The following ATAD1 variants were observed in gnomAD, a reference collection of about 807,000 sequenced individuals.
The protein encoded by ATAD1 is ATPase family AAA domain containing 1.
In ATAD1, 18 loss-of-function variants were observed where a neutral mutation model predicts 42.7. That is an observed-to-expected ratio of 0.42 (90% CI 0.29 to 0.63). The LOEUF (loss-of-function observed/expected upper bound fraction) is 0.63. ATAD1 is among the 20% of genes least tolerant of loss of function. ATAD1 has a pLI of 0.19. For missense variants in ATAD1, 294 were observed against 440.4 expected (o/e 0.67, Z 2.98); for synonymous variants, 132 against 143.1 (o/e 0.92, Z 0.55).
At chr10:87,776,481 T>C in intron 5 of ATAD1, 54 bp from the exon 6 acceptor site, 1 of 1,452,640 alleles carries the variant, frequency 6.9e-7, no homozygotes, top group Non-Finnish European at 9.6e-7. Flanking sequence ...ATTTACCCTT[T>C]TTTTTGAGAC....
upstream of ATAD1, among the ~76,000 whole-genome samples, chr10:87,821,769 A>G (rs1022076712): frequency 2.6e-5 from 4 of 152,230 alleles, no homozygotes; most frequent in African/African-American, 4.8e-5. Flanking sequence ...ATATGCCAGT[A>G]TATTGGATTT....
chr10:87,822,649 G>C (rs1474516409), upstream of ATAD1, among the ~76,000 whole-genome samples: 1 of 152,056 alleles, frequency 6.6e-6, no homozygotes, highest in Non-Finnish European at 1.5e-5. Flanking sequence ...ATAGTGGTGG[G>C]GGGTAGGAGG....
In ATAD1 at chr10:87,771,590, T is replaced by C. The variant is rs367934091; in HGVS notation, c.691-549A>G. Among the ~76,000 whole-genome samples the C allele has an allele frequency of 1.0e-3, 158 of 152,206 alleles. 2 individuals are homozygous for C. In the South Asian group the frequency reaches 0.031, roughly 30 times the overall value. ...CTCATGGTACTATCAGCACTGCAGG[T>C]GATAGCTTCTCAATGCGAAATAAAG... On this transcript the variant is annotated intron_variant, in intron 6 of 9. Coordinates refer to ENST00000680024, the MANE Select transcript of ATAD1 (RefSeq NM_001321967.2).
intron 9 of ATAD1, among the ~76,000 whole-genome samples, chr10:87,755,231 G>A (rs1028142330): frequency 4.6e-5 from 7 of 152,100 alleles, no homozygotes; most frequent in Admixed American, 3.3e-4. Context: ...GCATTTCTAG[G>A]TATATACTTA....
rs199998577 is a variant in ATAD1 at position 87,834,380 on chromosome 10, T to A, written c.-14+6807A>T. 2.0e-5 allele frequency among the ~76,000 whole-genome samples: 3 copies of A among 152,154 alleles called. No individual in the cohort carries two copies. In the East Asian group the frequency reaches 5.8e-4, roughly 29 times the overall value. ...GAATTGGTATTAATTCACCTTAAAA[T>A]GATTGATAGAATTTGACAGTGTAAC... On this transcript the variant is annotated intron_variant, in intron 1 of 4. Coordinates refer to the ATAD1 transcript ENST00000495903.
chr10:87,761,268 T>C (rs141077539), intron 8 of ATAD1, among the ~76,000 whole-genome samples: 32 of 152,280 alleles, frequency 2.1e-4, no homozygotes, highest in South Asian at 6.2e-4. Context: ...TGACGAGATG[T>C]TCTCATGTCA....
rs568662153 is a variant in ATAD1 at position 87,817,738 on chromosome 10, G to A, written c.-14+429C>T. 29 of 985,446 alleles carry A rather than the reference G, an allele frequency of 2.9e-5. No individual in the cohort carries two copies. The African/African-American group carries it at 4.7e-4, about 16-fold the overall frequency. 61.0% of individuals were successfully genotyped at this position (985,446 alleles called of 1,614,324 possible). A position where few individuals can be genotyped will look rare whatever the true frequency, so the allele number is the denominator to read the frequency against. On this transcript the variant is annotated intron_variant, in intron 1 of 9. Transcript: ENST00000680024. Reference sequence around the variant, plus strand: ...CTTTTGTGAAAGCGTGCCCGGCCCTGAAGAACCACCTTCGATTTTGCACAA... The same window carrying A: ...CTTTTGTGAAAGCGTGCCCGGCCCTAAAGAACCACCTTCGATTTTGCACAA...
intron 2 of ATAD1, among the ~76,000 whole-genome samples, chr10:87,798,799 C>T (rs1417219334): frequency 6.6e-6 from 1 of 152,008 alleles, no homozygotes; most frequent in Non-Finnish European, 1.5e-5. Flanking sequence ...TGAGTTGTTT[C>T]CTTTAACATG....
intron 4 of ATAD1, among the ~76,000 whole-genome samples, chr10:87,786,844 A>G (rs1855859907): frequency 4.6e-5 from 7 of 152,024 alleles, no homozygotes; most frequent in Non-Finnish European, 1.0e-4. Flanking sequence ...AATCCCAGCT[A>G]CTGGGGAGGC....
At chr10:87,803,557 C>T (rs1177664166) in intron 2 of ATAD1, among the ~76,000 whole-genome samples, 2 of 152,222 alleles carry the variant, frequency 1.3e-5, no homozygotes, top group African/African-American at 4.8e-5. Flanking sequence ...TGGAAGTCTC[C>T]TCCCTGCTTC....
chr10:87,790,440 G>A lies in ATAD1; in HGVS notation c.262-10C>T, dbSNP rs755899471. On this transcript the variant is annotated splice_polypyrimidine_tract_variant and intron_variant, in intron 3 of 9. Transcript: ENST00000680024. Reference sequence around the variant, plus strand: ...TATCACTCCAAGTAACCTGGCAAAAGTTAAGGTCAACATGAATTTTACTAC... The same window carrying A: ...TATCACTCCAAGTAACCTGGCAAAAATTAAGGTCAACATGAATTTTACTAC... The A allele has an allele frequency of 6.3e-7, 1 of 1,590,664 alleles. No homozygotes were observed. The highest frequency in any genetic ancestry group is 8.5e-7 in the Non-Finnish European group (1 of 1,174,264).
At chr10:87,770,892 G>A in intron 7 of ATAD1, 60 bp downstream of exon 7, 2 of 1,446,274 alleles carry the variant, frequency 1.4e-6, no homozygotes, top group Non-Finnish European at 1.9e-6. Context: ...AAAATTAAAG[G>A]TGAAGACCTA....
At chr10:87,756,654 T>A (rs1258754305) in intron 9 of ATAD1, 135 bp downstream of exon 9, 1 of 803,276 alleles carries the variant, frequency 1.2e-6, no homozygotes, top group African/African-American at 1.8e-5. Context: ...ATAAATAAAG[T>A]TGCAGGGGGT....
chr10:87,824,629 A>T (rs571063981), intron 1 of ATAD1, among the ~76,000 whole-genome samples: 1 of 152,316 alleles, frequency 6.6e-6, no homozygotes, highest in African/African-American at 2.4e-5. Flanking sequence ...TGTTATTTTC[A>T]TTATACGATG....
chr10:87,802,651 A>G (rs1856756630), intron 2 of ATAD1, among the ~76,000 whole-genome samples: 1 of 151,920 alleles, frequency 6.6e-6, no homozygotes, highest in African/African-American at 2.4e-5. Context: ...ACGAAAAAAA[A>G]AAAAAGCCTA....
intron 2 of ATAD1, among the ~76,000 whole-genome samples, chr10:87,794,429 CTTCATT>C (rs1367998014): frequency 2.0e-5 from 3 of 152,184 alleles, no homozygotes; most frequent in Non-Finnish European, 2.9e-5. Flanking sequence ...AACATTTACT[CTTCATT>C]TTCATTATGC....
At chr10:87,766,395 A>G (rs1253204759) in intron 8 of ATAD1, among the ~76,000 whole-genome samples, 1 of 152,218 alleles carries the variant, frequency 6.6e-6, no homozygotes, top group East Asian at 1.9e-4. Context: ...GAATGTCCAT[A>G]CAGTGGAATC....
At chr10:87,817,346 A>G (rs113399664) in intron 1 of ATAD1, among the ~76,000 whole-genome samples, 120 of 152,358 alleles carry the variant, frequency 7.9e-4, no homozygotes, top group African/African-American at 2.8e-3. Context: ...CAAAATGAAT[A>G]CACAAATATG....
At chr10:87,768,874 A>T (rs1000181064) in intron 7 of ATAD1, among the ~76,000 whole-genome samples, 1 of 152,160 alleles carries the variant, frequency 6.6e-6, no homozygotes, top group Non-Finnish European at 1.5e-5. Context: ...CCTTGAGGCC[A>T]GGAGTTGAGA....
Sources: allele counts gnomAD v4.1 joint callset (sites outside exome capture counted in the v4.1 genomes callset), GRCh38; gene constraint gnomAD v4.1.1; transcripts MANE v1.5; gene names NCBI Gene and HGNC (gene_info 2026-07-23, HGNC 2026-07-21).